The following GLI3 variants were observed in gnomAD, a reference collection of about 807,000 sequenced individuals.
The protein encoded by GLI3 is GLI family zinc finger 3.
Under a neutral mutation model 100.8 loss-of-function variants are expected in GLI3, and 20 were observed. The ratio of observed to expected loss-of-function variants is 0.20; its 90% CI spans 0.14 to 0.29. The LOEUF is 0.29. Ranked by LOEUF, GLI3 falls within the 10% of genes least tolerant of loss-of-function variation. The probability of loss-of-function intolerance (pLI) is 1.00; values close to 1 mark genes in which losing one functional copy is unlikely to be tolerated. For missense variants in GLI3, 2,040 were observed against 2,128.5 expected, an observed-to-expected ratio of 0.96 and a Z score of 0.82; for synonymous variants, 938 against 860.5, an observed-to-expected ratio of 1.09 and a Z score of -1.58.
chr7:41,992,778 C>A (rs2128718733), intron 10 of GLI3, among the ~76,000 whole-genome samples: 1 of 152,204 alleles, frequency 6.6e-6, no homozygotes, highest in East Asian at 1.9e-4. Flanking sequence ...GCGATTAAGG[C>A]AAGGAAGTAT....
At chr7:42,211,198 T>C (rs1373287438) in intron 2 of GLI3, among the ~76,000 whole-genome samples, 2 of 152,114 alleles carry the variant, frequency 1.3e-5, no homozygotes, top group Non-Finnish European at 2.9e-5. Context: ...CATGATTCTT[T>C]TTAATTGCGG....
chr7:42,135,377 C>T (rs895410791), intron 3 of GLI3, among the ~76,000 whole-genome samples: 1 of 152,138 alleles, frequency 6.6e-6, no homozygotes, highest in Non-Finnish European at 1.5e-5. Flanking sequence ...TCTTATTTTC[C>T]TGATGTAGCA....
chr7:42,204,995 A>G (rs1209581495), intron 2 of GLI3, among the ~76,000 whole-genome samples: 2 of 152,190 alleles, frequency 1.3e-5, no homozygotes, highest in East Asian at 1.9e-4. Context: ...AACAAGAGCC[A>G]TGTCTCTCAA....
At chr7:42,261,336 C>T (rs533413808) in intron 1 of GLI3, among the ~76,000 whole-genome samples, 1 of 152,238 alleles carries the variant, frequency 6.6e-6, no homozygotes, top group South Asian at 2.1e-4. Context: ...GAGGGACCCA[C>T]CCCCATAGAT....
chr7:42,258,524 T>C (rs535285069), intron 1 of GLI3, among the ~76,000 whole-genome samples: 11 of 152,354 alleles, frequency 7.2e-5, no homozygotes, highest in African/African-American at 2.6e-4. Context: ...GGTTTTCCTA[T>C]ACATGATTAA....
chr7:41,986,122 T>C (rs1562670809), intron 10 of GLI3, among the ~76,000 whole-genome samples: 2 of 152,184 alleles, frequency 1.3e-5, no homozygotes, highest in Non-Finnish European at 2.9e-5. Context: ...ACCAGCATTC[T>C]CTTTATAAAA....
intron 3 of GLI3, among the ~76,000 whole-genome samples, chr7:42,099,439 C>T (rs1368570630): frequency 2.6e-5 from 4 of 152,280 alleles, no homozygotes; most frequent in East Asian, 3.9e-4. Context: ...TTTTCGTTAA[C>T]AGTAAACATA....
At position 42,023,503 on chromosome 7, in the gene GLI3, C is replaced by T. The variant is rs756581886; in HGVS notation, c.1462G>A (p.Ala488Thr). ...TGCTCTTGGGTGTCGAACTCCCTCG[C>T]GCAGCCTTCCCAGTGGCAGTTTGTC... ...YETNCHWEGC[A>T]REFDTQEQLV... Residue 488 changes from alanine to threonine, a missense_variant, in exon 10 of 15, where the codon GCG becomes ACG. This residue lies in a region of GLI3 where 603 missense variants were observed against 690.9 expected (regional missense o/e 0.87). Coordinates refer to ENST00000395925, the MANE Select transcript of GLI3 (RefSeq NM_000168.6). 95 of 1,613,984 alleles carry T rather than the reference C, an allele frequency of 5.9e-5. No homozygotes were observed. In the Middle Eastern group the frequency reaches 9.9e-4, roughly 17 times the overall value.
At chr7:41,973,205 G>T (rs1304429310) in intron 12 of GLI3, among the ~76,000 whole-genome samples, 1 of 152,158 alleles carries the variant, frequency 6.6e-6, no homozygotes, top group Non-Finnish European at 1.5e-5. Flanking sequence ...TGCTCCTTTG[G>T]GTAGCATTAC....
Position 41,964,846 on chromosome 7 carries a change from G to A in GLI3, c.4227C>T (p.Leu1409=), listed in dbSNP as rs1402773978. Residue 1409 remains leucine, a synonymous_variant, in exon 15 of 15, where the codon CTC becomes CTT. Transcript: ENST00000395925. The stretch of plus-strand genomic sequence containing the variant: ...CCCTGCAGGTCTGACTTGTGTCACT[G>A]AGCTGTCCTGACTGCAGAGCAAGGC... ...RDSLALQSGQ[L]SDTSQTCRVN... 3 of 1,613,764 alleles carry A rather than the reference G, an allele frequency of 1.9e-6. No individual in the cohort carries two copies. Among genetic ancestry groups the A allele is most frequent in the Admixed American group, 1.7e-5 (1 of 60,014 alleles).
chr7:41,988,189 C>T (rs576801673), intron 10 of GLI3, among the ~76,000 whole-genome samples: 41 of 152,232 alleles, frequency 2.7e-4, no homozygotes, highest in African/African-American at 9.6e-4. Flanking sequence ...TGGCCAGGCA[C>T]GGTGGCTCAC....
intron 4 of GLI3, among the ~76,000 whole-genome samples, chr7:42,070,961 C>A (rs137888614): frequency 6.6e-6 from 1 of 152,306 alleles, no homozygotes; most frequent in African/African-American, 2.4e-5. Flanking sequence ...TCTATTCTAT[C>A]AAAAGTAGTC....
chr7:42,220,145 C>T (rs962322075), intron 2 of GLI3, among the ~76,000 whole-genome samples: 3 of 152,242 alleles, frequency 2.0e-5, no homozygotes, highest in Admixed American at 1.3e-4. Context: ...AGCCACCGGG[C>T]CTGGCCGAAA....
At chr7:42,153,285 G>C (rs1327771498) in intron 2 of GLI3, among the ~76,000 whole-genome samples, 1 of 152,074 alleles carries the variant, frequency 6.6e-6, no homozygotes, top group African/African-American at 2.4e-5. Flanking sequence ...CCTATTTCTG[G>C]TATTTCGGAA....
intron 3 of GLI3, among the ~76,000 whole-genome samples, chr7:42,115,911 T>G (rs1039669040): frequency 8.5e-5 from 13 of 152,078 alleles, no homozygotes; most frequent in Non-Finnish European, 1.5e-4. Flanking sequence ...CACGGCTATA[T>G]TAAAAATAAG....
chr7:42,064,464 A>G (rs988292323), intron 4 of GLI3, among the ~76,000 whole-genome samples: 3 of 152,210 alleles, frequency 2.0e-5, no homozygotes, highest in Non-Finnish European at 2.9e-5. Flanking sequence ...TGAGGTCCAC[A>G]TGTATTATGA....
intron 2 of GLI3, among the ~76,000 whole-genome samples, chr7:42,176,757 T>A (rs1265577672): frequency 6.6e-6 from 1 of 152,186 alleles, no homozygotes; most frequent in Non-Finnish European, 1.5e-5. Context: ...GAAGGTGGGA[T>A]ATTGATCCCC....
intron 2 of GLI3, among the ~76,000 whole-genome samples, chr7:42,203,367 T>C (rs180935338): frequency 3.3e-5 from 5 of 152,294 alleles, no homozygotes; most frequent in Admixed American, 6.5e-5. Flanking sequence ...TTTGTATCCT[T>C]TGACCAACAT....
chr7:42,017,798 TCTC>T (rs1170244865), intron 10 of GLI3, among the ~76,000 whole-genome samples: 23 of 152,028 alleles, frequency 1.5e-4, no homozygotes, highest in African/African-American at 4.8e-4. Flanking sequence ...GCCACCGCAT[TCTC>T]CTCCCCCACT....
Sources: allele counts gnomAD v4.1 joint callset (sites outside exome capture counted in the v4.1 genomes callset), GRCh38; gene constraint gnomAD v4.1.1; regional missense constraint gnomAD v4.1.1; transcripts MANE v1.5; gene names NCBI Gene and HGNC (gene_info 2026-07-23, HGNC 2026-07-21).